The following ARMCX4 variants were observed in gnomAD, a reference collection of about 807,000 sequenced individuals.
ARMCX4 encodes the protein armadillo repeat containing X-linked 4.
In ARMCX4, 3 loss-of-function variants were observed where a neutral mutation model predicts 34.7. The observed-to-expected ratio is 0.09, with a 90% confidence interval of 0.04 to 0.22. The LOEUF is 0.22. Among genes scored for constraint, ARMCX4 ranks in the 10% least tolerant of loss-of-function variants. The probability of loss-of-function intolerance (pLI) is 1.00; values close to 1 mark genes in which losing one functional copy is unlikely to be tolerated. For missense variants in ARMCX4, 1,448 were observed against 1,720.8 expected, an observed-to-expected ratio of 0.84 and a Z score of 2.81; for synonymous variants, 513 against 632.8, an observed-to-expected ratio of 0.81 and a Z score of 2.84.
At chrX:101,511,546 A>G (rs140640845) in intron 11 of ARMCX4, among the ~76,000 whole-genome samples, 2,660 of 111,282 alleles carry the variant, frequency 0.024, 74 homozygotes, top group African/African-American at 0.081. Flanking sequence ...TCTAACAAAC[A>G]TATATTTATC....
At chrX:101,425,044 C>T (rs1297515573) in intron 2 of ARMCX4, among the ~76,000 whole-genome samples, 1 of 111,575 alleles carries the variant, frequency 9.0e-6, no homozygotes, top group Non-Finnish European at 1.9e-5. Flanking sequence ...AGTGAGAATG[C>T]AGGAGATCAA....
chrX:101,514,023 T>G (rs189622995), intron 11 of ARMCX4, among the ~76,000 whole-genome samples: 209 of 111,484 alleles, frequency 1.9e-3, no homozygotes, highest in African/African-American at 6.3e-3. Flanking sequence ...ATTTCCCCCT[T>G]GTTAATCAAG....
intron 4 of ARMCX4, among the ~76,000 whole-genome samples, chrX:101,452,953 G>A (rs1356897690): frequency 9.1e-6 from 1 of 109,509 alleles, no homozygotes. Flanking sequence ...CAACACACCG[G>A]TTACTTTATA....
intron 4 of ARMCX4, among the ~76,000 whole-genome samples, chrX:101,467,477 G>A (rs1932812129): frequency 8.9e-6 from 1 of 112,037 alleles, no homozygotes; most frequent in Non-Finnish European, 1.9e-5. Flanking sequence ...AAAAAGGCTG[G>A]AAAGAAACCA....
chrX:101,508,288 C>T (rs1227137057), intron 8 of ARMCX4, among the ~76,000 whole-genome samples: 1 of 112,345 alleles, frequency 8.9e-6, no homozygotes, highest in African/African-American at 3.2e-5. Flanking sequence ...TAACAAAATT[C>T]CACAGGTTGG....
chrX:101,502,535 C>T (rs1423425331), intron 7 of ARMCX4, among the ~76,000 whole-genome samples: 4 of 111,131 alleles, frequency 3.6e-5, no homozygotes, highest in African/African-American at 1.3e-4. Context: ...CCACTGTGTC[C>T]AGCCAAGATG....
chrX:101,435,615 T>A (rs1259917211), intron 2 of ARMCX4, among the ~76,000 whole-genome samples: 3 of 110,906 alleles, frequency 2.7e-5, no homozygotes. Context: ...TGGTAGTTTT[T>A]TTTTTTTGCT....
intron 4 of ARMCX4, among the ~76,000 whole-genome samples, chrX:101,453,136 T>C (rs1489908360): frequency 9.0e-6 from 1 of 111,347 alleles, no homozygotes; most frequent in Non-Finnish European, 1.9e-5. Context: ...CTGTGGTGTT[T>C]ATTATGGTGC....
intron 11 of ARMCX4, among the ~76,000 whole-genome samples, chrX:101,520,272 C>T (rs1222396895): frequency 2.7e-5 from 3 of 111,855 alleles, no homozygotes; most frequent in African/African-American, 9.7e-5. Flanking sequence ...AATCAGGATG[C>T]ATTTTATTTC....
At chrX:101,433,195 CAT>C (rs371890067) in intron 2 of ARMCX4, among the ~76,000 whole-genome samples, 42 of 31,598 alleles carry the variant, frequency 1.3e-3, no homozygotes, top group Middle Eastern at 0.018. Flanking sequence ...CACACATACA[CAT>C]ATATGTGCAT....
chrX:101,500,880 A>G (rs1037759629), intron 7 of ARMCX4, among the ~76,000 whole-genome samples: 1 of 111,750 alleles, frequency 8.9e-6, no homozygotes. Context: ...CTGTGACATC[A>G]TGCTAATTGG....
At chrX:101,458,669 T>TAGAG (rs1932452404) in intron 4 of ARMCX4, among the ~76,000 whole-genome samples, 1 of 110,156 alleles carries the variant, frequency 9.1e-6, no homozygotes, top group African/African-American at 3.3e-5. Context: ...GTGTTTTTAG[T>TAGAG]AGAGATGGGA....
chrX:101,477,699 G>T (rs1318466136), intron 4 of ARMCX4, among the ~76,000 whole-genome samples: 1 of 109,508 alleles, frequency 9.1e-6, no homozygotes, highest in Non-Finnish European at 1.9e-5. Flanking sequence ...AAAAAGGATG[G>T]TACACAGAAA....
chrX:101,468,724 C>T (rs1298598246), intron 4 of ARMCX4, among the ~76,000 whole-genome samples: 2 of 110,847 alleles, frequency 1.8e-5, no homozygotes, highest in African/African-American at 6.6e-5. Flanking sequence ...CGCCATTCTC[C>T]TGCCTCAGCC....
At chrX:101,531,116 C>T (rs1342044421) in intron 11 of ARMCX4, among the ~76,000 whole-genome samples, 1 of 111,746 alleles carries the variant, frequency 8.9e-6, no homozygotes, top group Non-Finnish European at 1.9e-5. Flanking sequence ...CTTCTACAGG[C>T]GGCCTGAATT....
chrX:101,428,114 C>T (rs1174641334), intron 2 of ARMCX4, among the ~76,000 whole-genome samples: 1 of 111,756 alleles, frequency 8.9e-6, no homozygotes, highest in African/African-American at 3.3e-5. Context: ...TTATAATTGC[C>T]CCAAACTGGA....
chrX:101,434,431 T>A (rs1211174450), intron 2 of ARMCX4, among the ~76,000 whole-genome samples: 1 of 109,409 alleles, frequency 9.1e-6, no homozygotes, highest in Non-Finnish European at 1.9e-5. Context: ...GTATTTTTAG[T>A]AGAGACAGGG....
At position 101,512,862 on chromosome X, in the gene ARMCX4, A is replaced by G. The variant is rs782258096; in HGVS notation, c.*1780+1807A>G. 2.3e-4 allele frequency among the ~76,000 whole-genome samples: 22 copies of G among 96,368 alleles called. No individual in the cohort carries two copies. The South Asian group carries it at 4.0e-3, about 17-fold the overall frequency. The allele number at this position is 96,368 out of a possible 115,157, so 83.7% of individuals were successfully genotyped here. On this transcript the variant is annotated intron_variant and NMD_transcript_variant, in intron 11 of 12. Coordinates refer to the ARMCX4 transcript ENST00000354842. The stretch of plus-strand genomic sequence containing the variant: ...TATGTGTATATATGTGTATATATGT[A>G]TATATATGTAGAGAGAGAGAGAGAG...
At chrX:101,446,134 G>A (rs1931608086), downstream of ARMCX4, 1 of 111,115 alleles carries the variant, frequency 9.0e-6, no homozygotes, top group Non-Finnish European at 1.9e-5. Flanking sequence ...TTTTTTTGTT[G>A]ATTAGAAAAA....
Sources: allele counts gnomAD v4.1 joint callset (sites outside exome capture counted in the v4.1 genomes callset), GRCh38; gene constraint gnomAD v4.1.1; transcripts MANE v1.5; gene names NCBI Gene and HGNC (gene_info 2026-07-23, HGNC 2026-07-21).